The following CDKAL1 variants were observed in gnomAD, a reference collection of about 807,000 sequenced individuals.
CDKAL1 encodes the protein threonylcarbamoyladenosine tRNA methylthiotransferase.
Under a neutral mutation model 68.2 loss-of-function variants are expected in CDKAL1, and 32 were observed. That is an observed-to-expected ratio of 0.47 (90% CI 0.35 to 0.63). The LOEUF is 0.63. CDKAL1 is among the 30% of genes least tolerant of loss of function. The pLI, the probability that CDKAL1 is intolerant of heterozygous loss-of-function variation, is 0.00. For missense variants in CDKAL1, 606 were observed against 696.7 expected (o/e 0.87, Z 1.47); for synonymous variants, 234 against 244.3 (o/e 0.96, Z 0.39).
chr6:20,631,756 T>A (rs188130648), intron 4 of CDKAL1, among the ~76,000 whole-genome samples: 1 of 152,242 alleles, frequency 6.6e-6, no homozygotes, highest in Non-Finnish European at 1.5e-5. Flanking sequence ...ACCAGTCAGA[T>A]GTTACAGGAC....
intron 4 of CDKAL1, among the ~76,000 whole-genome samples, chr6:20,585,341 T>C (rs538521970): frequency 9.2e-5 from 14 of 152,298 alleles, no homozygotes; most frequent in Admixed American, 3.3e-4. Flanking sequence ...CGTGAGCCAC[T>C]GCGCCCGGCC....
At chr6:20,730,056 A>G (rs781101330) in intron 5 of CDKAL1, among the ~76,000 whole-genome samples, 3 of 152,218 alleles carry the variant, frequency 2.0e-5, no homozygotes, top group Non-Finnish European at 2.9e-5. Flanking sequence ...ACAGTGGCTC[A>G]TGCCTGTAAT....
At chr6:20,740,158 T>G (rs1300501405) in intron 6 of CDKAL1, among the ~76,000 whole-genome samples, 1 of 152,236 alleles carries the variant, frequency 6.6e-6, no homozygotes, top group Non-Finnish European at 1.5e-5. Context: ...CACCTGTCTA[T>G]TTAAATTGTT....
At chr6:21,128,128 G>T (rs1455974765) in intron 13 of CDKAL1, among the ~76,000 whole-genome samples, 1 of 152,186 alleles carries the variant, frequency 6.6e-6, no homozygotes, top group East Asian at 1.9e-4. Flanking sequence ...TACATGTTCA[G>T]TGGAAACTGT....
rs112305125 is a variant in CDKAL1 at position 21,209,661 on chromosome 6, C to G, written c.1548+8387C>G. Among the ~76,000 whole-genome samples, 900 of 152,182 alleles carry G rather than the reference C, an allele frequency of 5.9e-3. 4 individuals are homozygous for G. Among genetic ancestry groups the G allele is most frequent in the Non-Finnish European group, 8.7e-3 (593 of 67,998 alleles). ...GTTAAAGTTTTATGGATAATTTTCC[C>G]AAATCTAAAAGGGATCCCTTAAGAG... On this transcript the variant is annotated intron_variant, in intron 15 of 15. Transcript: ENST00000274695.
At chr6:20,802,306 CAACAACAACAAT>C (rs1335504030) in intron 8 of CDKAL1, among the ~76,000 whole-genome samples, 38 of 98,414 alleles carry the variant, frequency 3.9e-4, no homozygotes, top group African/African-American at 1.0e-3. Context: ...CAAAAAACAA[CAACAACAACAAT>C]AATAATAATA....
intron 12 of CDKAL1, among the ~76,000 whole-genome samples, chr6:21,104,836 A>G (rs1013757468): frequency 6.6e-6 from 1 of 152,242 alleles, no homozygotes; most frequent in Non-Finnish European, 1.5e-5. Context: ...AAAAGCACAT[A>G]TAAGTGTTAG....
chr6:21,160,851 G>T (rs997276302), intron 13 of CDKAL1, among the ~76,000 whole-genome samples: 8 of 151,548 alleles, frequency 5.3e-5, no homozygotes, highest in Non-Finnish European at 8.8e-5. Context: ...TTGTCCTAAT[G>T]CTCTCCCTCC....
chr6:20,694,640 A>G (rs1403838983), intron 5 of CDKAL1, among the ~76,000 whole-genome samples: 1 of 152,212 alleles, frequency 6.6e-6, no homozygotes, highest in East Asian at 1.9e-4. Context: ...AGATAGGATG[A>G]CCACATATAT....
chr6:21,047,932 C>G (rs929582189), intron 11 of CDKAL1, among the ~76,000 whole-genome samples: 3 of 152,052 alleles, frequency 2.0e-5, no homozygotes, highest in African/African-American at 7.2e-5. Flanking sequence ...TGGGATTGTT[C>G]AGAGAGAAAG....
rs72657616 is a variant in CDKAL1 at position 20,726,083 on chromosome 6, C to T, written c.372-13436C>T. On this transcript the variant is annotated intron_variant, in intron 5 of 15. Transcript: ENST00000274695. The stretch of plus-strand genomic sequence containing the variant: ...CATCTTTTATAGGGGGGAGTATTTG[C>T]ATCTGAGAGTCTATCACCTTTTAAA... Among the ~76,000 whole-genome samples the T allele has an allele frequency of 2.7e-3, 413 of 152,038 alleles. 20 individuals carry two copies. The East Asian group carries it at 0.064, about 24-fold the overall frequency.
intron 8 of CDKAL1, among the ~76,000 whole-genome samples, chr6:20,844,783 C>T (rs1358179084): frequency 2.6e-5 from 4 of 151,996 alleles, no homozygotes; most frequent in African/African-American, 9.7e-5. Flanking sequence ...TTGAGTTACT[C>T]TACCAAGGAA....
chr6:21,201,957 TA>T lies in CDKAL1; in HGVS notation c.1548+694del, dbSNP rs551965098. 9.7e-3 allele frequency among the ~76,000 whole-genome samples: 1,404 copies of T among 145,424 alleles called. 17 individuals are homozygous for T. Among genetic ancestry groups the T allele is most frequent in the African/African-American group, 0.031 (1,242 of 39,622 alleles). Reference sequence around the variant, plus strand: ...TTCTCCAACACAATTGTTAAGCGCTTAAAAAAAAAAAGCATATAACAGTGAT... The same window carrying T: ...TTCTCCAACACAATTGTTAAGCGCTTAAAAAAAAAAGCATATAACAGTGAT... On this transcript the variant is annotated intron_variant, in intron 15 of 15. Transcript: ENST00000274695.
In CDKAL1 at chr6:21,173,525, T is replaced by C. The variant is rs80331866; in HGVS notation, c.1300-24496T>C. ...AGAAATGAACATGCATTGACACTCA[T>C]TGATGAGAAGAGAAGCTTGAGGGTC... On this transcript the variant is annotated intron_variant, in intron 13 of 15. Transcript: ENST00000274695. Among the ~76,000 whole-genome samples, 871 of 152,336 alleles carry C rather than the reference T, an allele frequency of 5.7e-3. 6 individuals carry two copies. The highest frequency in any genetic ancestry group is 0.019 in the African/African-American group (776 of 41,574).
chr6:21,230,794 C>T, intron 15 of CDKAL1, 54 bp from the exon 16 acceptor site: 2 of 1,394,514 alleles, frequency 1.4e-6, no homozygotes, highest in Non-Finnish European at 1.9e-6. Flanking sequence ...GATATCACAA[C>T]AGGGCTTTCT....
At chr6:21,210,666 G>A (rs1036290192) in intron 15 of CDKAL1, among the ~76,000 whole-genome samples, 1 of 152,212 alleles carries the variant, frequency 6.6e-6, no homozygotes, top group African/African-American at 2.4e-5. Flanking sequence ...ATGTTAAATT[G>A]GTTGGCGTTA....
intron 13 of CDKAL1, among the ~76,000 whole-genome samples, chr6:21,138,227 A>C (rs972258254): frequency 2.1e-5 from 1 of 48,686 alleles, no homozygotes. Flanking sequence ...GTGTGTGTGT[A>C]TGTGTGTGTC....
intron 13 of CDKAL1, among the ~76,000 whole-genome samples, chr6:21,150,663 A>G (rs1182838762): frequency 1.3e-5 from 2 of 152,198 alleles, no homozygotes; most frequent in African/African-American, 4.8e-5. Context: ...CTTGATATTT[A>G]AAATGGCTTC....
chr6:20,955,711 A>G, intron 10 of CDKAL1, 126 bp downstream of exon 10: 1 of 692,688 alleles, frequency 1.4e-6, no homozygotes, highest in Non-Finnish European at 2.3e-6. Context: ...GTAGTCCCGC[A>G]TTTCCAAGAA....
Sources: gnomAD v4.1 joint callset for allele counts (sites outside exome capture counted in the v4.1 genomes callset) on GRCh38, gnomAD v4.1.1 for gene constraint, MANE v1.5 for transcripts, NCBI Gene and HGNC (gene_info 2026-07-23, HGNC 2026-07-21) for gene names.